Variants in ZKSCAN7 observed in about 807,000 individuals in gnomAD.
ZKSCAN7 encodes the protein zinc finger protein with KRAB and SCAN domains 7.
A neutral mutation model predicts 65.3 loss-of-function variants in ZKSCAN7; 38 were observed. That is an observed-to-expected ratio of 0.58 (90% CI 0.45 to 0.76). ZKSCAN7 has a LOEUF of 0.76. Among genes scored for constraint, ZKSCAN7 ranks in the 30% least tolerant of loss-of-function variants. The probability of loss-of-function intolerance (pLI) is 0.00; values close to 1 mark genes in which losing one functional copy is unlikely to be tolerated. For synonymous variants in ZKSCAN7, 321 were observed against 321.0 expected (o/e 1.00, Z 0.00); for missense variants, 815 against 913.3 (o/e 0.89, Z 1.39).
intron 5 of ZKSCAN7, among the ~76,000 whole-genome samples, chr3:44,581,368 GC>G (rs202225784): frequency 0.025 from 3,860 of 151,858 alleles, 107 homozygotes; most frequent in African/African-American, 0.066. Context: ...TCAGCGCCCC[GC>G]GGCCGCTGCA....
chr3:44,582,683 G>A (rs1273324399), intron 5 of ZKSCAN7, among the ~76,000 whole-genome samples: 1 of 152,146 alleles, frequency 6.6e-6, no homozygotes, highest in African/African-American at 2.4e-5. Context: ...ATACAGGCAG[G>A]CTGGAATCTA....
chr3:44,569,984 G>T lies in ZKSCAN7; in HGVS notation c.874G>T (p.Glu292Ter). 1 of 1,602,332 alleles carries T rather than the reference G, an allele frequency of 6.2e-7. No individual in the cohort carries two copies. The highest frequency in any genetic ancestry group is 1.3e-5 in the African/African-American group (1 of 74,394). The change falls in exon 6 of 6, where the codon GAG (glutamate) becomes TAG (stop). Residue 292 changes from glutamate (E) to a stop codon, truncating the protein, a stop_gained. Transcript: ENST00000426540. LOFTEE classifies it high-confidence loss of function. ...AAAGCAGGAATTTTTTAAAGGATCA[G>T]AGTCATCTAACAGGACATCAGGGGG... Reference protein sequence around the residue: ...TPKQEFFKGSESSNRTSGGLF... With the variant: ...TPKQEFFKGS
Position 44,570,302 on chromosome 3 carries a change from C to T in ZKSCAN7, c.1192C>T (p.Leu398Phe). The T allele has an allele frequency of 1.2e-6, 2 of 1,614,184 alleles. No homozygotes were observed. Among genetic ancestry groups the T allele is most frequent in the South Asian group, 1.1e-5 (1 of 91,082 alleles). Residue 398 changes from leucine to phenylalanine, a missense_variant, in exon 6 of 6, where the codon CTT (leucine) becomes TTT (phenylalanine). Physicochemically the swap from Leu to Phe is conservative, Grantham distance 22. Transcript: ENST00000426540. ...CGKAFNRSSH[L>F]IGHQRIHTGE... ...CAAAGCTTTCAATCGGAGTTCTCAC[C>T]TTATTGGCCATCAGAGAATCCACAC...
chr3:44,558,753 T>C (rs919602723), intron 2 of ZKSCAN7, among the ~76,000 whole-genome samples: 1 of 149,182 alleles, frequency 6.7e-6, no homozygotes, highest in African/African-American at 2.5e-5. Context: ...TTCTTCTTTC[T>C]TCCTCGTCTG....
chr3:44,572,745 G>T (rs1699841902), downstream of ZKSCAN7, among the ~76,000 whole-genome samples: 1 of 151,168 alleles, frequency 6.6e-6, no homozygotes, highest in South Asian at 2.1e-4. Context: ...AGCTATTCGG[G>T]AGGCTGAGGC....
chr3:44,567,724 C>A (rs1010943647), intron 3 of ZKSCAN7, among the ~76,000 whole-genome samples, 188 bp from the exon 4 acceptor site: 1 of 151,800 alleles, frequency 6.6e-6, no homozygotes, highest in Non-Finnish European at 1.5e-5. Context: ...TCAGCTTGAT[C>A]CGGGACCTTG....
At chr3:44,580,272 A>T (rs1435945759) in intron 5 of ZKSCAN7, 1 of 1,613,790 alleles carries the variant, frequency 6.2e-7, no homozygotes, top group Non-Finnish European at 8.5e-7. Context: ...GCCACAGTCC[A>T]TGCGGTCGCT....
At chr3:44,583,242 T>G (rs1700132052) in exon 6 of ZKSCAN7, 1 of 212,838 alleles carries the variant, frequency 4.7e-6, no homozygotes, top group Admixed American at 6.0e-5. Flanking sequence ...CTTTTTAAGT[T>G]TCTTGATGTA....
intron 5 of ZKSCAN7, chr3:44,582,897 C>T: frequency 2.4e-6 from 1 of 410,786 alleles, no homozygotes; most frequent in Non-Finnish European, 4.8e-6. Context: ...CCTTAATGTA[C>T]ATGAATATTC....
rs1699780377 is a variant in ZKSCAN7, at chr3:44,570,730, C to G, written c.1620C>G (p.Asp540Glu). 1 of 1,613,992 alleles carries G rather than the reference C, an allele frequency of 6.2e-7. No homozygotes were observed. The highest frequency in any genetic ancestry group is 8.5e-7 in the Non-Finnish European group (1 of 1,179,996). Reference protein sequence around the residue: ...RAFCSNRNLIDHQRIHTGEKP... With the variant: ...RAFCSNRNLIEHQRIHTGEKP... ...TCTGTTCCAATAGAAATCTCATTGA[C>G]CATCAGAGAATCCACACTGGGGAGA... The change falls in exon 6 of 6, where the codon GAC (aspartate) becomes GAG (glutamate). Residue 540 changes from aspartate to glutamate, a missense_variant. This residue lies in a region of ZKSCAN7 where 578 missense variants were observed against 629.5 expected (regional missense o/e 0.92). Coordinates refer to ENST00000426540, the MANE Select transcript of ZKSCAN7 (RefSeq NM_001288590.2).
chr3:44,565,586 T>G lies in ZKSCAN7; in HGVS notation c.523T>G (p.Ser175Ala), dbSNP rs1699608413. The G allele has an allele frequency of 1.2e-6, 2 of 1,612,768 alleles. No homozygotes were observed. The highest frequency in any genetic ancestry group is 2.2e-5 in the East Asian group (1 of 44,836). Residue 175 changes from serine to alanine, a missense_variant, in exon 3 of 6, where the codon TCA (serine) becomes GCA (alanine). Around this residue, in one of 3 missense-constraint regions of ZKSCAN7, gnomAD observed 227 missense variants for 253.3 expected, o/e 0.90. Transcript: ENST00000426540. ...TCCTACCTCACCCCTCAGTGGGGGC[T>G]CAGCCCCTGGAGCCCACCTGGAGCC... ...SPPTSPLSGGSAPGAHLEPPY... is the reference protein window; with the variant it reads ...SPPTSPLSGGAAPGAHLEPPY...
chr3:44,565,745 T>C, intron 3 of ZKSCAN7, 90 bp downstream of exon 3: 1 of 1,306,068 alleles, frequency 7.7e-7, no homozygotes, highest in Non-Finnish European at 1.0e-6. Context: ...TCCTACTCCA[T>C]GGAATCCCTC....
chr3:44,560,729 C>T (rs890977803), intron 2 of ZKSCAN7, among the ~76,000 whole-genome samples: 10 of 152,054 alleles, frequency 6.6e-5, no homozygotes, highest in African/African-American at 1.7e-4. Flanking sequence ...AGAATGGTTT[C>T]GATCTCCTGA....
At position 44,581,613 on chromosome 3, in the gene ZKSCAN7, C is replaced by G. The variant is rs148473225; in HGVS notation, c.812-1359C>G. 3.3e-5 allele frequency among the ~76,000 whole-genome samples: 5 copies of G among 151,980 alleles called. No homozygotes were observed. The East Asian group carries it at 9.6e-4, about 29-fold the overall frequency. ...AGTTCCTGGTACATGAGGGAACCCA[C>G]GAAAAAAGGTATCAGTAAACAGTGT... On this transcript the variant is annotated intron_variant, in intron 5 of 5. Coordinates refer to the ZKSCAN7 transcript ENST00000341840.
chr3:44,561,640 T>C (rs1699478227), intron 2 of ZKSCAN7, among the ~76,000 whole-genome samples: 1 of 152,160 alleles, frequency 6.6e-6, no homozygotes, highest in South Asian at 2.1e-4. Flanking sequence ...ACAATGGGGA[T>C]ATAGGCATTG....
At chr3:44,579,846 G>A in intron 5 of ZKSCAN7, 1 of 1,610,802 alleles carries the variant, frequency 6.2e-7, no homozygotes. Context: ...TCCTCATACT[G>A]CTTAGTCAGC....
downstream of ZKSCAN7, among the ~76,000 whole-genome samples, chr3:44,572,948 G>A (rs1248526935): frequency 6.6e-6 from 1 of 151,592 alleles, no homozygotes; most frequent in Non-Finnish European, 1.5e-5. Context: ...CCAGCTAGCA[G>A]CATTCCCTGA....
Position 44,571,498 on chromosome 3 carries a change from T to A in ZKSCAN7, c.*123T>A, listed in dbSNP as rs1699809033. 1 of 1,585,752 alleles carries A rather than the reference T, an allele frequency of 6.3e-7. No homozygotes were observed. The highest frequency in any genetic ancestry group is 1.7e-5 in the Admixed American group (1 of 59,378). On this transcript the variant is annotated 3_prime_UTR_variant, in exon 6 of 6. Coordinates refer to ENST00000426540, the MANE Select transcript of ZKSCAN7 (RefSeq NM_001288590.2). ...GGACCATTCCCTACTTGCTTTTCCTTGGATCACTAAGGTGGGAGAGTAGGA... is the reference window on the plus strand; with the variant it reads ...GGACCATTCCCTACTTGCTTTTCCTAGGATCACTAAGGTGGGAGAGTAGGA...
chr3:44,582,621 A>G (rs1700111531), intron 5 of ZKSCAN7, among the ~76,000 whole-genome samples: 1 of 152,254 alleles, frequency 6.6e-6, no homozygotes, highest in African/African-American at 2.4e-5. Context: ...GACTGAATGA[A>G]TAGATTTTTG....
Sources: gnomAD v4.1 joint callset for allele counts (sites outside exome capture counted in the v4.1 genomes callset) on GRCh38, gnomAD v4.1.1 for gene constraint, gnomAD v4.1.1 regional missense constraint, MANE v1.5 for transcripts, NCBI Gene and HGNC (gene_info 2026-07-23, HGNC 2026-07-21) for gene names.